Variants in HDAC5 observed in about 807,000 individuals in gnomAD.
The protein encoded by HDAC5 is antigen NY-CO-9.
In HDAC5, 25 loss-of-function variants were observed where a neutral mutation model predicts 133.3. The observed-to-expected ratio is 0.19, with a 90% confidence interval of 0.14 to 0.26. HDAC5 has a LOEUF of 0.26. Ranked by LOEUF, HDAC5 falls within the 10% of genes least tolerant of loss-of-function variation. HDAC5 has a pLI of 1.00. For missense variants in HDAC5, 1,041 were observed against 1,460.5 expected (o/e 0.71, Z 4.68); for synonymous variants, 589 against 610.8 (o/e 0.96, Z 0.53).
chr17:44,081,032 C>A, intron 20 of HDAC5, 150 bp from the exon 21 acceptor site: 1 of 928,622 alleles, frequency 1.1e-6, no homozygotes, highest in Non-Finnish European at 1.6e-6. Context: ...GCCCAGGACT[C>A]CACCCTTGGC....
intron 3 of HDAC5, among the ~76,000 whole-genome samples, chr17:44,094,281 G>A (rs1294030285): frequency 6.6e-6 from 1 of 150,460 alleles, no homozygotes; most frequent in African/African-American, 2.5e-5. Flanking sequence ...CCAAGATCAT[G>A]CAACTGCACT....
intron 3 of HDAC5, among the ~76,000 whole-genome samples, chr17:44,103,857 C>T (rs965163977): frequency 1.3e-4 from 19 of 151,994 alleles, no homozygotes; most frequent in African/African-American, 4.3e-4. Context: ...TACAGGCATA[C>T]GCCACCATGC....
In HDAC5 at chr17:44,107,607, CAAAAAAAAAA is replaced by C. The variant is rs61428400; in HGVS notation, c.94+3112_94+3121del. Among the ~76,000 whole-genome samples, 534 of 88,702 alleles carry C rather than the reference CAAAAAAAAAA, an allele frequency of 6.0e-3. 4 individuals are homozygous for C. Among genetic ancestry groups the C allele is most frequent in the African/African-American group, 0.023 (512 of 22,052 alleles). 58.2% of individuals were successfully genotyped at this position (88,702 alleles called of 152,430 possible). ...TGGGCAAAAGAGGGAGACTCCGTAT[CAAAAAAAAAA>C]AAAAAAAAAAAGGGCAGGGAAAGTA... On this transcript the variant is annotated intron_variant, in intron 3 of 26. Transcript: ENST00000682912.
chr17:44,102,896 G>A lies in HDAC5; in HGVS notation c.94+7833C>T, dbSNP rs570589774. ...TTAGCCAGGATGGTCTCTATCCCCC[G>A]ACCTCAGCTGATCCACCCGCCTCGC... On this transcript the variant is annotated intron_variant, in intron 3 of 26. Coordinates refer to ENST00000682912, the MANE Select transcript of HDAC5 (RefSeq NM_005474.5). Among the ~76,000 whole-genome samples the A allele has an allele frequency of 8.7e-4, 131 of 149,966 alleles. 1 individual carries two copies. Among genetic ancestry groups the A allele is most frequent in the Non-Finnish European group, 1.5e-3 (101 of 67,636 alleles).
intron 3 of HDAC5, among the ~76,000 whole-genome samples, chr17:44,100,643 C>T (rs1303222651): frequency 3.3e-5 from 5 of 150,360 alleles, no homozygotes; most frequent in South Asian, 2.1e-4. Flanking sequence ...CCCAGCTACT[C>T]GGGCAGCTGA....
intron 2 of HDAC5, among the ~76,000 whole-genome samples, chr17:44,115,232 C>T (rs893894463): frequency 5.9e-5 from 9 of 152,218 alleles, no homozygotes; most frequent in Admixed American, 2.0e-4. Flanking sequence ...GCCTACTGTC[C>T]TTTACTCTGG....
intron 2 of HDAC5, among the ~76,000 whole-genome samples, chr17:44,112,653 C>G (rs1303925287): frequency 6.6e-6 from 1 of 152,166 alleles, no homozygotes; most frequent in Non-Finnish European, 1.5e-5. Context: ...CCCAATTTCC[C>G]AGCCAGCTTC....
intron 3 of HDAC5, among the ~76,000 whole-genome samples, chr17:44,095,237 T>C (rs1396850399): frequency 6.6e-6 from 1 of 152,226 alleles, no homozygotes; most frequent in Non-Finnish European, 1.5e-5. Context: ...GAAGTTTAAG[T>C]AGCAACCAGA....
intron 3 of HDAC5, among the ~76,000 whole-genome samples, chr17:44,097,931 G>A (rs569201665): frequency 5.1e-4 from 77 of 152,372 alleles, no homozygotes; most frequent in Admixed American, 1.5e-3. Flanking sequence ...GAGCTGCAGC[G>A]GGAACCACAG....
At chr17:44,118,409 A>T (rs1462198985) in intron 1 of HDAC5, among the ~76,000 whole-genome samples, 1 of 152,210 alleles carries the variant, frequency 6.6e-6, no homozygotes. Flanking sequence ...CCAGGGAGAT[A>T]CGAAATCCAG....
intron 14 of HDAC5, among the ~76,000 whole-genome samples, chr17:44,085,612 C>T (rs1438594538): frequency 6.6e-6 from 1 of 152,132 alleles, no homozygotes; most frequent in Non-Finnish European, 1.5e-5. Flanking sequence ...AGCAATTCTC[C>T]TGCCTCAGCC....
chr17:44,092,649 G>A (rs370345079), intron 7 of HDAC5, 27 bp downstream of exon 7: 120 of 1,529,668 alleles, frequency 7.8e-5, no homozygotes, highest in Non-Finnish European at 1.0e-4. Flanking sequence ...GCCATATTCT[G>A]GGAGGCCAGG....
At chr17:44,081,479 C>CT (rs2050386717) in intron 20 of HDAC5, 1 of 152,192 alleles carries the variant, frequency 6.6e-6, no homozygotes, top group South Asian at 2.1e-4. Context: ...TCTCAAACTC[C>CT]TGACCTCAGG....
At chr17:44,094,989 TCTCA>T (rs2051178046) in intron 3 of HDAC5, among the ~76,000 whole-genome samples, 1 of 151,816 alleles carries the variant, frequency 6.6e-6, no homozygotes, top group African/African-American at 2.4e-5. Flanking sequence ...AGAGACAGGG[TCTCA>T]CTATGTTGCC....
At chr17:44,108,756 A>AAC (rs1354902951) in intron 3 of HDAC5, among the ~76,000 whole-genome samples, 1 of 135,684 alleles carries the variant, frequency 7.4e-6, no homozygotes, top group African/African-American at 2.9e-5. Flanking sequence ...GAGTCCAAAA[A>AAC]AAAAACAAAA....
chr17:44,114,888 C>T (rs1239417111), intron 2 of HDAC5, among the ~76,000 whole-genome samples: 1 of 152,224 alleles, frequency 6.6e-6, no homozygotes, highest in East Asian at 1.9e-4. Flanking sequence ...GCAACCCCAT[C>T]AATAGCCTCC....
At position 44,077,984 on chromosome 17, in the gene HDAC5, C is replaced by T. The variant is rs1172366702; in HGVS notation, c.*392G>A. On this transcript the variant is annotated 3_prime_UTR_variant, in exon 27 of 27. Coordinates refer to ENST00000682912, the MANE Select transcript of HDAC5 (RefSeq NM_005474.5). ...GGAGGAGAGTGAAATTAAGGCATTT[C>T]CCCCCAAATCAGCTGAAACCAAGGC... 1.1e-5 allele frequency: 2 copies of T among 179,984 alleles called. No homozygotes were observed. Among genetic ancestry groups the T allele is most frequent in the Non-Finnish European group, 2.3e-5 (2 of 86,418 alleles). 11.1% of individuals were successfully genotyped at this position (179,984 alleles called of 1,614,324 possible).
chr17:44,079,789 A>G (rs2050304722), intron 23 of HDAC5, among the ~76,000 whole-genome samples: 1 of 152,170 alleles, frequency 6.6e-6, no homozygotes, highest in Admixed American at 6.5e-5. Flanking sequence ...ATCACAGTCA[A>G]AACATTAACA....
intron 3 of HDAC5, among the ~76,000 whole-genome samples, chr17:44,105,491 T>A (rs2143495655): frequency 6.6e-6 from 1 of 152,302 alleles, no homozygotes; most frequent in Non-Finnish European, 1.5e-5. Flanking sequence ...CCATTCAAAG[T>A]CTGCAGCTAT....
Sources: gnomAD v4.1 joint callset for allele counts (sites outside exome capture counted in the v4.1 genomes callset) on GRCh38, gnomAD v4.1.1 for gene constraint, MANE v1.5 for transcripts, NCBI Gene and HGNC (gene_info 2026-07-23, HGNC 2026-07-21) for gene names.